The following LARGE1 variants were observed in gnomAD, a reference collection of about 807,000 sequenced individuals.
The protein encoded by LARGE1 is LARGE xylosyl- and glucuronyltransferase 1.
Under a neutral mutation model 87.6 loss-of-function variants are expected in LARGE1, and 43 were observed. The ratio of observed to expected loss-of-function variants is 0.49; its 90% CI spans 0.38 to 0.63. The LOEUF is 0.63. LARGE1 is among the 30% of genes least tolerant of loss of function. The pLI is 0.00. For missense variants in LARGE1, 802 were observed against 1,000.2 expected (o/e 0.80, Z 2.67); for synonymous variants, 434 against 394.6 (o/e 1.10, Z -1.18).
At chr22:33,499,837 A>C (rs8137506) in intron 6 of LARGE1, among the ~76,000 whole-genome samples, 1 of 152,002 alleles carries the variant, frequency 6.6e-6, no homozygotes, top group Non-Finnish European at 1.5e-5. Context: ...GCAATGGTGC[A>C]ATCTCGGCTC....
the LARGE1 span, among the ~76,000 whole-genome samples, chr22:33,078,127 G>A: frequency 6.6e-6 from 1 of 152,106 alleles, no homozygotes; most frequent in African/African-American, 2.4e-5. Context: ...AGTTTTGACT[G>A]CTTTGCCTCC....
chr22:33,600,685 A>C (rs2079090640), intron 5 of LARGE1, among the ~76,000 whole-genome samples: 1 of 152,174 alleles, frequency 6.6e-6, no homozygotes, highest in South Asian at 2.1e-4. Flanking sequence ...GGAAGGACGC[A>C]AGTGGTGCAA....
At chr22:33,410,177 C>T (rs2066257501) in intron 7 of LARGE1, among the ~76,000 whole-genome samples, 1 of 152,152 alleles carries the variant, frequency 6.6e-6, no homozygotes, top group African/African-American at 2.4e-5. Flanking sequence ...TCAAATCTCC[C>T]AGGTGATTCC....
rs547342761 is a variant in LARGE1, at chr22:33,223,280, C to T, written c.1731-56448G>A. ...GGCAGAAGCTTGAGCAGAAAATGAG[C>T]CAAGAATTTGATGGTAGGCAACATC... On this transcript the variant is annotated intron_variant, in intron 11 of 11. Transcript: ENST00000608642. 4.8e-4 allele frequency among the ~76,000 whole-genome samples: 73 copies of T among 152,102 alleles called. 3 individuals are homozygous for T. Among genetic ancestry groups the T allele is most frequent in the Non-Finnish European group, 1.5e-5 (1 of 68,026 alleles).
intron 6 of LARGE1, among the ~76,000 whole-genome samples, chr22:33,453,830 A>G (rs2068031892): frequency 6.6e-6 from 1 of 152,226 alleles, no homozygotes; most frequent in African/African-American, 2.4e-5. Context: ...TCTTTGAAAA[A>G]TGGAAAAACC....
chr22:33,509,108 C>T (rs2070915517), intron 6 of LARGE1, among the ~76,000 whole-genome samples: 2 of 152,164 alleles, frequency 1.3e-5, no homozygotes, highest in African/African-American at 4.8e-5. Context: ...AAATGATCCG[C>T]CTAACCCAGT....
intron 11 of LARGE1, among the ~76,000 whole-genome samples, chr22:33,265,542 G>A (rs1927889365): frequency 6.6e-6 from 1 of 152,158 alleles, no homozygotes; most frequent in South Asian, 2.1e-4. Flanking sequence ...GGCCTGGAGT[G>A]AGCACCCTTC....
At chr22:33,789,902 C>T (rs923130137) in intron 1 of LARGE1, among the ~76,000 whole-genome samples, 3 of 152,108 alleles carry the variant, frequency 2.0e-5, no homozygotes, top group African/African-American at 4.8e-5. Context: ...TCAGATGAGA[C>T]TTTGGACTGT....
intron 2 of LARGE1, 51 bp from the exon 3 acceptor site, chr22:33,650,719 A>T (rs1267271870): frequency 1.3e-6 from 2 of 1,589,538 alleles, no homozygotes; most frequent in Non-Finnish European, 1.7e-6. Context: ...CCATGCCTCA[A>T]GCCCCTCCAA....
At chr22:33,089,555 T>C in the LARGE1 span, among the ~76,000 whole-genome samples, 1 of 151,782 alleles carries the variant, frequency 6.6e-6, no homozygotes, top group Non-Finnish European at 1.5e-5. Context: ...TGGAGTGTAG[T>C]GGCATGATCA....
At chr22:33,390,013 C>T (rs1389381520) in intron 7 of LARGE1, among the ~76,000 whole-genome samples, 2 of 152,314 alleles carry the variant, frequency 1.3e-5, no homozygotes, top group East Asian at 1.9e-4. Flanking sequence ...TGTGGCCAGA[C>T]CATCTGGTTC....
chr22:33,186,371 G>C (rs1176522969), intron 11 of LARGE1, among the ~76,000 whole-genome samples: 1 of 152,096 alleles, frequency 6.6e-6, no homozygotes, highest in African/African-American at 2.4e-5. Flanking sequence ...TTGAGAAGTA[G>C]CTACTGCATT....
intron 1 of LARGE1, among the ~76,000 whole-genome samples, chr22:33,842,933 CAAAACAAAACA>C (rs1280537763): frequency 7.6e-5 from 11 of 145,046 alleles, no homozygotes; most frequent in African/African-American, 2.6e-4. Flanking sequence ...CAAAACAAAA[CAAAACAAAACA>C]AAACAAAACA....
chr22:33,683,658 C>T (rs955179950), intron 2 of LARGE1, among the ~76,000 whole-genome samples: 2 of 151,730 alleles, frequency 1.3e-5, no homozygotes, highest in African/African-American at 2.4e-5. Flanking sequence ...GACAGACAGA[C>T]GATAGACAGA....
the LARGE1 span, among the ~76,000 whole-genome samples, chr22:33,106,964 T>TC: frequency 6.6e-6 from 1 of 152,216 alleles, no homozygotes; most frequent in South Asian, 2.1e-4. Flanking sequence ...ATGTAGTTTT[T>TC]CCCAGACAGC....
chr22:33,467,543 G>A (rs1162673321), intron 6 of LARGE1, among the ~76,000 whole-genome samples: 1 of 152,212 alleles, frequency 6.6e-6, no homozygotes. Context: ...ATGTGTTGAT[G>A]TTACCGGAAA....
chr22:33,270,671 C>T (rs561246579), downstream of LARGE1, among the ~76,000 whole-genome samples: 1 of 152,130 alleles, frequency 6.6e-6, no homozygotes, highest in Non-Finnish European at 1.5e-5. Flanking sequence ...TGTGAAGGAG[C>T]TGTGTCTGAG....
intron 6 of LARGE1, among the ~76,000 whole-genome samples, chr22:33,559,186 A>G (rs62227068): frequency 0.063 from 9,575 of 152,154 alleles, 432 homozygotes; most frequent in Non-Finnish European, 0.096. Context: ...CATTGATGGT[A>G]CACCTTTTTT....
chr22:33,151,525 C>A, the LARGE1 span, among the ~76,000 whole-genome samples: 1 of 152,158 alleles, frequency 6.6e-6, no homozygotes, highest in East Asian at 1.9e-4. Flanking sequence ...CTGCTCTTAA[C>A]AAAATGGAAT....
Sources: gnomAD v4.1 joint callset for allele counts (sites outside exome capture counted in the v4.1 genomes callset) on GRCh38, gnomAD v4.1.1 for gene constraint, MANE v1.5 for transcripts, NCBI Gene and HGNC (gene_info 2026-07-23, HGNC 2026-07-21) for gene names.